The following ST3GAL3 variants were observed in gnomAD, a reference collection of about 807,000 sequenced individuals.
ST3GAL3 encodes the protein CMP-N-acetylneuraminate-beta-1,4-galactoside alpha-2,3-sialyltransferase.
Under a neutral mutation model 50.1 loss-of-function variants are expected in ST3GAL3, and 21 were observed. The observed-to-expected ratio is 0.42, with a 90% CI of 0.30 to 0.60. The LOEUF is 0.60. ST3GAL3 is among the 20% of genes least tolerant of loss of function. ST3GAL3 has a pLI of 0.19. For synonymous variants in ST3GAL3, 183 were observed against 190.0 expected (o/e 0.96, Z 0.30); for missense variants, 353 against 489.4 (o/e 0.72, Z 2.63).
intron 5 of ST3GAL3, among the ~76,000 whole-genome samples, chr1:43,846,029 A>G (rs1558553967): frequency 6.6e-6 from 1 of 152,200 alleles, no homozygotes; most frequent in Non-Finnish European, 1.5e-5. Flanking sequence ...CTTTTAAATT[A>G]ATTGAAATCT....
At chr1:43,710,640 C>G (rs1664244586) in intron 1 of ST3GAL3, among the ~76,000 whole-genome samples, 1 of 152,216 alleles carries the variant, frequency 6.6e-6, no homozygotes, top group African/African-American at 2.4e-5. Flanking sequence ...TTTTCCAGGT[C>G]AATGGAACTA....
chr1:43,750,298 T>C (rs528005771), intron 2 of ST3GAL3, among the ~76,000 whole-genome samples: 24 of 152,346 alleles, frequency 1.6e-4, no homozygotes, highest in Non-Finnish European at 3.1e-4. Context: ...ATATGTTTAG[T>C]ACATGACTCA....
chr1:43,773,754 A>T (rs1414371854), intron 2 of ST3GAL3, among the ~76,000 whole-genome samples: 1 of 152,200 alleles, frequency 6.6e-6, no homozygotes, highest in Non-Finnish European at 1.5e-5. Context: ...TCTTACATTA[A>T]TTATTTAATA....
intron 5 of ST3GAL3, among the ~76,000 whole-genome samples, chr1:43,882,709 C>T (rs1309661669): frequency 2.0e-5 from 3 of 152,300 alleles, no homozygotes; most frequent in Admixed American, 6.5e-5. Flanking sequence ...AGGTCAAAAG[C>T]AGCCATACAT....
Position 43,737,717 on chromosome 1 carries a change from A to G in ST3GAL3, c.118+1337A>G, listed in dbSNP as rs1679094069. On this transcript the variant is annotated intron_variant, in intron 2 of 11. Transcript: ENST00000347631. The surrounding 1 kb of genome is among the most constrained non-coding windows in gnomAD (Gnocchi z 4.0). ...TGGTAGTGGTGGATCCATCTCTATC[A>G]ATAATTTAGATGGAAATGTGTGTGA... 6.6e-6 allele frequency: 1 copy of G among 152,190 alleles called. No individual in the cohort carries two copies. The highest frequency in any genetic ancestry group is 2.1e-4 in the South Asian group (1 of 4,830). The allele number at this position is 152,190 out of a possible 1,614,324, so 9.4% of individuals were successfully genotyped here. A position where few individuals can be genotyped will look rare whatever the true frequency, so the allele number is the denominator to read the frequency against.
chr1:43,832,177 A>C (rs2063635136), intron 4 of ST3GAL3, among the ~76,000 whole-genome samples: 1 of 152,240 alleles, frequency 6.6e-6, no homozygotes, highest in Non-Finnish European at 1.5e-5. Context: ...GCATCCCTCC[A>C]GCTAAGAGGA....
At chr1:43,835,292 C>T (rs560893039) in intron 4 of ST3GAL3, among the ~76,000 whole-genome samples, 66 of 152,076 alleles carry the variant, frequency 4.3e-4, no homozygotes, top group African/African-American at 1.4e-3. Flanking sequence ...TGGTTTTGAC[C>T]GCTAACTGCC....
intron 3 of ST3GAL3, among the ~76,000 whole-genome samples, chr1:43,808,212 G>A (rs1224712390): frequency 2.0e-5 from 3 of 151,980 alleles, no homozygotes; most frequent in African/African-American, 7.2e-5. Context: ...GCTGAAGCAG[G>A]AGAATCACTT....
At chr1:43,769,574 A>C (rs1290198833) in intron 2 of ST3GAL3, among the ~76,000 whole-genome samples, 1 of 152,134 alleles carries the variant, frequency 6.6e-6, no homozygotes, top group East Asian at 1.9e-4. Flanking sequence ...ATCTGGTAAT[A>C]GGGAAGGTAG....
intron 3 of ST3GAL3, among the ~76,000 whole-genome samples, chr1:43,792,672 G>C (rs939476824): frequency 1.3e-5 from 2 of 152,192 alleles, no homozygotes; most frequent in Non-Finnish European, 2.9e-5. Flanking sequence ...CAAAATGCAT[G>C]TAGGTGGACA....
At chr1:43,821,227 T>C (rs180924868) in intron 4 of ST3GAL3, among the ~76,000 whole-genome samples, 1 of 152,244 alleles carries the variant, frequency 6.6e-6, no homozygotes, top group Non-Finnish European at 1.5e-5. Flanking sequence ...TATTGCTGGA[T>C]AGCATGAGCA....
At chr1:43,725,978 A>G (rs1454491531) in intron 1 of ST3GAL3, among the ~76,000 whole-genome samples, 2 of 152,176 alleles carry the variant, frequency 1.3e-5, no homozygotes, top group East Asian at 3.8e-4. Flanking sequence ...GTACGATACC[A>G]AAAGCATTTC....
At chr1:43,838,077 T>G (rs1026353362) in intron 4 of ST3GAL3, 142 bp from the exon 5 acceptor site, 3 of 573,990 alleles carry the variant, frequency 5.2e-6, no homozygotes, top group Middle Eastern at 4.1e-4. Context: ...ATTGCGCCAC[T>G]GCACTCCAGC....
chr1:43,897,251 C>T lies in ST3GAL3; in HGVS notation c.398-984C>T, dbSNP rs145792826. ...TAGGATCTTAGTGTCTGCACATCTT[C>T]GTGGTTATTTGATGTTATTAAGATG... On this transcript the variant is annotated intron_variant, in intron 6 of 11. Coordinates refer to ENST00000347631, the MANE Select transcript of ST3GAL3 (RefSeq NM_006279.5). Among the ~76,000 whole-genome samples, 197 of 152,158 alleles carry T rather than the reference C, an allele frequency of 1.3e-3. 2 individuals carry two copies. Among genetic ancestry groups the T allele is most frequent in the Middle Eastern group, 3.4e-3 (1 of 292 alleles).
intron 2 of ST3GAL3, among the ~76,000 whole-genome samples, chr1:43,788,189 A>G (rs917850075): frequency 5.3e-5 from 8 of 152,154 alleles, no homozygotes; most frequent in African/African-American, 1.9e-4. Context: ...AGTCTCTTTT[A>G]GTCTTAATTA....
At chr1:43,838,413 G>A in intron 5 of ST3GAL3, 102 bp downstream of exon 5, 3 of 1,081,012 alleles carry the variant, frequency 2.8e-6, no homozygotes, top group Non-Finnish European at 4.3e-6. Flanking sequence ...CTATGCTCTG[G>A]AAACCATGGG....
At chr1:43,885,433 C>A (rs1030875295) in intron 5 of ST3GAL3, among the ~76,000 whole-genome samples, 2 of 152,012 alleles carry the variant, frequency 1.3e-5, no homozygotes, top group African/African-American at 2.4e-5. Context: ...GAGGCTGCCT[C>A]GCGTGCCGGG....
At chr1:43,926,275 G>A (rs1008136154) in intron 11 of ST3GAL3, among the ~76,000 whole-genome samples, 21 of 152,280 alleles carry the variant, frequency 1.4e-4, no homozygotes, top group Middle Eastern at 3.4e-3. Context: ...ATACTTAACG[G>A]TTGGGCGAGG....
At chr1:43,910,059 G>C (rs1000083594) in intron 9 of ST3GAL3, among the ~76,000 whole-genome samples, 3 of 152,192 alleles carry the variant, frequency 2.0e-5, no homozygotes, top group Non-Finnish European at 4.4e-5. Flanking sequence ...TTTTTGGAAA[G>C]GAAATGGAAC....
Sources: gnomAD v4.1 joint callset for allele counts (sites outside exome capture counted in the v4.1 genomes callset) on GRCh38, gnomAD v4.1.1 for gene constraint, Gnocchi (gnomAD v3.1) non-coding constraint, MANE v1.5 for transcripts, NCBI Gene and HGNC (gene_info 2026-07-23, HGNC 2026-07-21) for gene names.